NLGN4X: variants seen among roughly 807,000 people sequenced by gnomAD.
NLGN4X encodes the protein neuroligin-4, X-linked.
In NLGN4X, 3 loss-of-function variants were observed where a neutral mutation model predicts 40.3. That is an observed-to-expected ratio of 0.07 (90% CI 0.03 to 0.19). The LOEUF (loss-of-function observed/expected upper bound fraction) is 0.19. NLGN4X is among the 10% of genes least tolerant of loss of function. The pLI is 1.00. For missense variants in NLGN4X, 382 were observed against 708.3 expected (o/e 0.54, Z 5.23); for synonymous variants, 270 against 306.8 (o/e 0.88, Z 1.25).
At chrX:6,185,413 T>C (rs1404673025) in intron 1 of NLGN4X, among the ~76,000 whole-genome samples, 2 of 112,341 alleles carry the variant, frequency 1.8e-5, no homozygotes, top group African/African-American at 3.2e-5. Flanking sequence ...TCCTTAATCA[T>C]CTGTGTCTAA....
At chrX:6,154,609 G>A (rs1219447897) in intron 1 of NLGN4X, among the ~76,000 whole-genome samples, 1 of 110,966 alleles carries the variant, frequency 9.0e-6, no homozygotes, top group East Asian at 2.8e-4. Context: ...TAAATAGGTA[G>A]ATATTTAATA....
chrX:5,894,849 T>G (rs2146692135), intron 5 of NLGN4X, among the ~76,000 whole-genome samples: 1 of 112,457 alleles, frequency 8.9e-6, no homozygotes, highest in Non-Finnish European at 1.9e-5. Flanking sequence ...TGGCAAAATG[T>G]TATGTACTAG....
chrX:6,087,322 C>G (rs760146280), intron 2 of NLGN4X, among the ~76,000 whole-genome samples: 243 of 111,124 alleles, frequency 2.2e-3, no homozygotes, highest in African/African-American at 7.4e-3. Context: ...AGCATTCACC[C>G]ACATGCACAC....
At chrX:5,899,577 G>A (rs779257790) in intron 5 of NLGN4X, among the ~76,000 whole-genome samples, 53 of 111,438 alleles carry the variant, frequency 4.8e-4, no homozygotes, top group Non-Finnish European at 8.5e-4. Flanking sequence ...CTCTTCTCAC[G>A]GCTCTCTCAG....
intron 3 of NLGN4X, among the ~76,000 whole-genome samples, chrX:5,958,096 G>T (rs2034553963): frequency 9.0e-6 from 1 of 111,684 alleles, no homozygotes; most frequent in African/African-American, 3.3e-5. Context: ...TAGGACATCT[G>T]ATGGACATGT....
intron 2 of NLGN4X, among the ~76,000 whole-genome samples, chrX:6,146,423 C>G (rs767232375): frequency 1.9e-4 from 21 of 111,912 alleles, no homozygotes; most frequent in Non-Finnish European, 3.2e-4. Flanking sequence ...TTCTTTGTTC[C>G]CTAACTAGGA....
At chrX:6,137,361 C>T (rs949786276) in intron 2 of NLGN4X, among the ~76,000 whole-genome samples, 4 of 111,909 alleles carry the variant, frequency 3.6e-5, no homozygotes, top group African/African-American at 1.3e-4. Context: ...ACCTTGATTA[C>T]ATTTGCAGAA....
At chrX:5,914,239 G>A in intron 3 of NLGN4X, among the ~76,000 whole-genome samples, 1 of 111,748 alleles carries the variant, frequency 8.9e-6, no homozygotes, top group Non-Finnish European at 1.9e-5. Flanking sequence ...GCTTAATATT[G>A]TTGTCACAAC....
chrX:6,034,154 G>A lies in NLGN4X; in HGVS notation c.473-4722C>T, dbSNP rs139813987. On this transcript the variant is annotated intron_variant, in intron 2 of 5. Coordinates refer to ENST00000381095, the MANE Select transcript of NLGN4X (RefSeq NM_181332.3). ...TTTTAAAACCAGACCTGGGTGGTGC[G>A]TGGGTGTGATAGCCTTGCTGATCCA... Among the ~76,000 whole-genome samples the A allele has an allele frequency of 5.0e-3, 559 of 112,320 alleles. 5 individuals carry two copies. The highest frequency in any genetic ancestry group is 0.017 in the African/African-American group (533 of 30,916).
At chrX:5,964,945 T>C (rs1053739208) in intron 3 of NLGN4X, among the ~76,000 whole-genome samples, 9 of 112,226 alleles carry the variant, frequency 8.0e-5, no homozygotes, top group African/African-American at 2.9e-4. Flanking sequence ...TCATAATAGT[T>C]AAAATGTATA....
intron 1 of NLGN4X, among the ~76,000 whole-genome samples, chrX:6,154,134 C>A (rs750406991): frequency 8.9e-6 from 1 of 112,019 alleles, no homozygotes; most frequent in African/African-American, 3.2e-5. Flanking sequence ...TCCCTGACCT[C>A]TACTCACTAG....
intron 3 of NLGN4X, among the ~76,000 whole-genome samples, chrX:5,993,534 C>A (rs1195306950): frequency 8.9e-6 from 1 of 111,764 alleles, no homozygotes; most frequent in Non-Finnish European, 1.9e-5. Flanking sequence ...CATTGCCAAG[C>A]AGGGCACAAC....
At chrX:6,221,875 G>A (rs1925745617) in intron 1 of NLGN4X, among the ~76,000 whole-genome samples, 1 of 110,950 alleles carries the variant, frequency 9.0e-6, no homozygotes, top group African/African-American at 3.3e-5. Context: ...ACATATTGGT[G>A]GTGTTGAAAT....
intron 3 of NLGN4X, among the ~76,000 whole-genome samples, chrX:6,017,468 C>T (rs1394499841): frequency 9.0e-6 from 1 of 111,519 alleles, no homozygotes; most frequent in Admixed American, 9.5e-5. Context: ...CCTAGAGGTT[C>T]GCAATATATT....
chrX:5,899,087 T>C (rs2031693050), intron 5 of NLGN4X, among the ~76,000 whole-genome samples: 1 of 112,522 alleles, frequency 8.9e-6, no homozygotes, highest in African/African-American at 3.2e-5. Context: ...TCACTTAAAC[T>C]ATTTGTATTT....
At chrX:6,211,808 C>T (rs1331956339) in intron 1 of NLGN4X, among the ~76,000 whole-genome samples, 1 of 111,897 alleles carries the variant, frequency 8.9e-6, no homozygotes, top group African/African-American at 3.2e-5. Flanking sequence ...ATCCCTTGAA[C>T]AAACTATACA....
At chrX:6,080,836 ATTTG>A (rs1465807783) in intron 2 of NLGN4X, among the ~76,000 whole-genome samples, 167 of 111,451 alleles carry the variant, frequency 1.5e-3, no homozygotes, top group African/African-American at 4.8e-3. Flanking sequence ...AAAATTTATA[ATTTG>A]TTTATTTATT....
At chrX:6,200,666 T>C (rs1325429267) in intron 1 of NLGN4X, among the ~76,000 whole-genome samples, 1 of 108,695 alleles carries the variant, frequency 9.2e-6, no homozygotes, top group Non-Finnish European at 1.9e-5. Context: ...CTTTATATGC[T>C]TAATTTATTC....
intron 4 of NLGN4X, among the ~76,000 whole-genome samples, chrX:5,905,402 TG>T (rs2032120953): frequency 8.9e-6 from 1 of 112,179 alleles, no homozygotes; most frequent in Admixed American, 9.5e-5. Flanking sequence ...TCCATTCAAA[TG>T]TCTGTTTTGC....
Sources: gnomAD v4.1 joint callset for allele counts (sites outside exome capture counted in the v4.1 genomes callset) on GRCh38, gnomAD v4.1.1 for gene constraint, MANE v1.5 for transcripts, NCBI Gene and HGNC (gene_info 2026-07-23, HGNC 2026-07-21) for gene names.